The following PSIP1 variants were observed in gnomAD, a reference collection of about 807,000 sequenced individuals.
The protein encoded by PSIP1 is PC4 and SFRS1-interacting protein.
PSIP1 carries 19 observed loss-of-function variants against 74.7 expected under a neutral mutation model. That is an observed-to-expected ratio of 0.25 (90% CI 0.18 to 0.37). The LOEUF (loss-of-function observed/expected upper bound fraction) is 0.37, where lower values mean the gene tolerates loss of function less well. PSIP1 is among the 10% of genes least tolerant of loss of function. PSIP1 has a pLI of 1.00. For synonymous variants in PSIP1, 222 were observed against 195.3 expected (o/e 1.14, Z -1.14); for missense variants, 601 against 614.3 (o/e 0.98, Z 0.23).
At chr9:15,492,847 A>G (rs552544356) in intron 3 of PSIP1, among the ~76,000 whole-genome samples, 6 of 152,322 alleles carry the variant, frequency 3.9e-5, no homozygotes, top group Non-Finnish European at 8.8e-5. Flanking sequence ...CTCTGAAACA[A>G]CAGCCTCAGC....
intron 3 of PSIP1, among the ~76,000 whole-genome samples, chr9:15,490,561 T>C (rs1374422310): frequency 2.0e-5 from 3 of 151,666 alleles, no homozygotes; most frequent in African/African-American, 7.3e-5. Context: ...CGTGCACCTG[T>C]AGTCCCAGCT....
At position 15,465,291 on chromosome 9, in the gene PSIP1, T is replaced by G; in HGVS notation, c.*229A>C. The G allele has an allele frequency of 2.2e-6, 1 of 446,358 alleles. No individual in the cohort carries two copies. Among genetic ancestry groups the G allele is most frequent in the Non-Finnish European group, 3.9e-6 (1 of 256,224 alleles). 27.6% of individuals were successfully genotyped at this position (446,358 alleles called of 1,614,324 possible). On this transcript the variant is annotated 3_prime_UTR_variant, in exon 16 of 16. Transcript: ENST00000380733. ...ATGTCTGGAAAAGCAGTTTAACATT[T>G]TCTAAATGGATTTTATCCCACATTT...
At chr9:15,476,368 A>G (rs575403534) in intron 8 of PSIP1, among the ~76,000 whole-genome samples, 35 of 152,332 alleles carry the variant, frequency 2.3e-4, no homozygotes, top group Middle Eastern at 3.4e-3. Flanking sequence ...GTTGGACCGC[A>G]GCAGAAATAA....
intron 8 of PSIP1, 144 bp downstream of exon 8, chr9:15,478,333 C>T (rs16933311): frequency 0.053 from 34,718 of 650,828 alleles, 3,872 homozygotes; most frequent in African/African-American, 0.34. Flanking sequence ...ACAAAATTTT[C>T]CCAGTTTTTC....
intron 14 of PSIP1, among the ~76,000 whole-genome samples, chr9:15,467,819 A>G (rs2665512): frequency 0.11 from 16,844 of 152,204 alleles, 1,702 homozygotes; most frequent in African/African-American, 0.27. Context: ...TACACATCTA[A>G]GTGCTTTGTA....
chr9:15,506,923 C>T (rs542507733), intron 2 of PSIP1, among the ~76,000 whole-genome samples: 2 of 152,214 alleles, frequency 1.3e-5, no homozygotes, highest in South Asian at 2.1e-4. Flanking sequence ...TTATTATGTG[C>T]TATTCCAGAC....
chr9:15,470,017 T>A, intron 10 of PSIP1, 24 bp from the exon 11 acceptor site: 2 of 1,575,102 alleles, frequency 1.3e-6, no homozygotes, highest in African/African-American at 1.3e-5. Flanking sequence ...ACAAAAATAT[T>A]TCAACACATT....
chr9:15,504,818 T>C (rs573642023), intron 3 of PSIP1: 2 of 151,458 alleles, frequency 1.3e-5, no homozygotes, highest in Admixed American at 6.6e-5. Context: ...AACTGAAAAA[T>C]GCTAAGGAAT....
chr9:15,506,457 TAA>T (rs2037591598), intron 3 of PSIP1, 102 bp downstream of exon 3: 4 of 794,022 alleles, frequency 5.0e-6, no homozygotes, highest in Admixed American at 2.4e-5. Flanking sequence ...TCAAAGATTT[TAA>T]AGTTTCCTAT....
At chr9:15,493,595 G>C (rs2036934722) in intron 3 of PSIP1, among the ~76,000 whole-genome samples, 1 of 152,180 alleles carries the variant, frequency 6.6e-6, no homozygotes, top group African/African-American at 2.4e-5. Context: ...CCCAAGACTG[G>C]ATAGTTTATA....
At chr9:15,497,687 G>A (rs1009999316) in intron 3 of PSIP1, among the ~76,000 whole-genome samples, 2 of 151,938 alleles carry the variant, frequency 1.3e-5, no homozygotes, top group South Asian at 4.2e-4. Flanking sequence ...CCTAGACCAA[G>A]GTGGGAAAGA....
intron 3 of PSIP1, among the ~76,000 whole-genome samples, chr9:15,501,537 G>A (rs1424553302): frequency 6.6e-6 from 1 of 152,030 alleles, no homozygotes. Flanking sequence ...GATAAGATGA[G>A]GCTTATTTTT....
At chr9:15,466,570 C>T (rs2035640895) in intron 15 of PSIP1, among the ~76,000 whole-genome samples, 178 bp downstream of exon 15, 1 of 152,190 alleles carries the variant, frequency 6.6e-6, no homozygotes, top group Admixed American at 6.5e-5. Context: ...GGCAAAGTCA[C>T]TGTCAATAAA....
In PSIP1 at chr9:15,469,205, G is replaced by A. The variant is rs1416102265; in HGVS notation, c.1104+61C>T. 4.5e-6 allele frequency: 6 copies of A among 1,332,904 alleles called. No homozygotes were observed. In the East Asian group the frequency reaches 6.9e-5, roughly 15 times the overall value. 82.6% of individuals were successfully genotyped at this position (1,332,904 alleles called of 1,614,324 possible). A position where few individuals can be genotyped will look rare whatever the true frequency, so the allele number is the denominator to read the frequency against. The stretch of plus-strand genomic sequence containing the variant: ...TTTACATACTCATAAGATCATGTGA[G>A]AAAATAAAAGATGAAGCTATAAATG... On this transcript the variant is annotated intron_variant, in intron 12 of 15. Coordinates refer to ENST00000380733, the MANE Select transcript of PSIP1 (RefSeq NM_033222.5).
At chr9:15,507,408 G>C (rs1280565370) in intron 2 of PSIP1, among the ~76,000 whole-genome samples, 1 of 152,148 alleles carries the variant, frequency 6.6e-6, no homozygotes, top group Non-Finnish European at 1.5e-5. Flanking sequence ...CCAGCACTCT[G>C]GGAGGGCAAG....
chr9:15,470,899 T>C, intron 10 of PSIP1: 1 of 1,115,176 alleles, frequency 9.0e-7, no homozygotes, highest in Middle Eastern at 3.8e-4. Flanking sequence ...AGCTTGTTAT[T>C]ACTTTCAAAC....
chr9:15,490,682 CA>C (rs869054621), intron 3 of PSIP1, among the ~76,000 whole-genome samples: 11,508 of 57,538 alleles, frequency 0.2, 141 homozygotes, highest in Middle Eastern at 0.23. Flanking sequence ...GACTCTGTCT[CA>C]AAAAAAAAAA....
intron 6 of PSIP1, among the ~76,000 whole-genome samples, chr9:15,481,581 G>A (rs972872800): frequency 6.6e-6 from 1 of 152,068 alleles, no homozygotes; most frequent in African/African-American, 2.4e-5. Context: ...CCACTCAAGA[G>A]GCTAAGGCAG....
chr9:15,507,406 C>G (rs201700083), intron 2 of PSIP1, among the ~76,000 whole-genome samples: 2 of 152,080 alleles, frequency 1.3e-5, no homozygotes, highest in Non-Finnish European at 2.9e-5. Flanking sequence ...TCCCAGCACT[C>G]TGGGAGGGCA....
Sources: allele counts gnomAD v4.1 joint callset (sites outside exome capture counted in the v4.1 genomes callset), GRCh38; gene constraint gnomAD v4.1.1; transcripts MANE v1.5; gene names NCBI Gene and HGNC (gene_info 2026-07-23, HGNC 2026-07-21).